The following SLMAP variants were observed in gnomAD, a reference collection of about 807,000 sequenced individuals.
The protein encoded by SLMAP is sarcolemma associated protein, also known as sarcolemmal membrane-associated protein.
In SLMAP, 44 loss-of-function variants were observed where a neutral mutation model predicts 128.8. The ratio of observed to expected loss-of-function variants is 0.34; its 90% CI spans 0.27 to 0.44. SLMAP has a LOEUF of 0.44. SLMAP is among the 20% of genes least tolerant of loss of function. The pLI, the probability that SLMAP is intolerant of heterozygous loss-of-function variation, is 1.00. For missense variants in SLMAP, 787 were observed against 985.3 expected (o/e 0.80, Z 2.69); for synonymous variants, 327 against 348.8 (o/e 0.94, Z 0.70).
At chr3:57,836,311 A>G (rs2093638010) in intron 3 of SLMAP, among the ~76,000 whole-genome samples, 3 of 152,126 alleles carry the variant, frequency 2.0e-5, no homozygotes, top group African/African-American at 7.2e-5. Context: ...TATGTAGGAC[A>G]TTTATGTATT....
chr3:57,840,129 G>A (rs565417521), intron 3 of SLMAP, among the ~76,000 whole-genome samples: 1 of 150,348 alleles, frequency 6.7e-6, no homozygotes, highest in Non-Finnish European at 1.5e-5. Context: ...CCTAATTTTT[G>A]TGTTTTTAGT....
chr3:57,834,086 G>A (rs1248444519), intron 3 of SLMAP, among the ~76,000 whole-genome samples: 1 of 152,028 alleles, frequency 6.6e-6, no homozygotes, highest in Non-Finnish European at 1.5e-5. Context: ...GTAAAGAGAG[G>A]AGACTTTTAT....
intron 14 of SLMAP, among the ~76,000 whole-genome samples, chr3:57,879,714 G>A (rs1052293956): frequency 1.3e-5 from 2 of 152,092 alleles, no homozygotes; most frequent in Non-Finnish European, 1.5e-5. Context: ...AGGCCGAGGT[G>A]GGTGGATCAC....
chr3:57,877,876 C>G (rs1375738978), intron 14 of SLMAP, among the ~76,000 whole-genome samples: 1 of 148,386 alleles, frequency 6.7e-6, no homozygotes, highest in African/African-American at 2.5e-5. Flanking sequence ...GCTCCGTTGC[C>G]CAGGCTGGAG....
intron 17 of SLMAP, among the ~76,000 whole-genome samples, chr3:57,904,102 CACTA>C (rs1265637707): frequency 4.7e-5 from 7 of 149,932 alleles, no homozygotes; most frequent in African/African-American, 1.3e-4. Context: ...AGGATCTGCA[CACTA>C]ACTATTCGAT....
At chr3:57,845,931 TC>T (rs1237681178) in intron 4 of SLMAP, among the ~76,000 whole-genome samples, 5 of 151,836 alleles carry the variant, frequency 3.3e-5, no homozygotes. Context: ...AACCTCTGCC[TC>T]CCAGGTTCAA....
At chr3:57,920,271 A>G (rs2096892821) in intron 22 of SLMAP, among the ~76,000 whole-genome samples, 1 of 152,182 alleles carries the variant, frequency 6.6e-6, no homozygotes, top group African/African-American at 2.4e-5. Context: ...AAGTCCATGA[A>G]TTGTACTCCT....
At chr3:57,774,382 C>T (rs2081411676) in intron 2 of SLMAP, among the ~76,000 whole-genome samples, 1 of 152,028 alleles carries the variant, frequency 6.6e-6, no homozygotes, top group African/African-American at 2.4e-5. Flanking sequence ...GTACTTCAAA[C>T]ATTAGGTGTT....
chr3:57,857,609 CTACTTTAAAA>C, intron 6 of SLMAP, 114 bp from the exon 7 acceptor site: 1 of 668,656 alleles, frequency 1.5e-6, no homozygotes, highest in Non-Finnish European at 2.6e-6. Flanking sequence ...TCAAGTTTCA[CTACTTTAAAA>C]TACATCAAGT....
intron 21 of SLMAP, among the ~76,000 whole-genome samples, chr3:57,914,510 AT>A (rs1461722274): frequency 6.6e-6 from 1 of 152,170 alleles, no homozygotes; most frequent in African/African-American, 2.4e-5. Flanking sequence ...AAAACTATAA[AT>A]ATATGTATAT....
At chr3:57,790,460 A>C (rs2085220308) in intron 2 of SLMAP, among the ~76,000 whole-genome samples, 1 of 152,232 alleles carries the variant, frequency 6.6e-6, no homozygotes, top group Non-Finnish European at 1.5e-5. Flanking sequence ...TTAAGGAAAA[A>C]AAAAAGTGGA....
intron 2 of SLMAP, among the ~76,000 whole-genome samples, chr3:57,768,492 G>A (rs2080170400): frequency 6.6e-6 from 1 of 152,198 alleles, no homozygotes; most frequent in African/African-American, 2.4e-5. Flanking sequence ...GCTGAGGCAG[G>A]AAGATTGCTT....
chr3:57,760,787 G>A (rs951196165), intron 2 of SLMAP, among the ~76,000 whole-genome samples: 7 of 151,822 alleles, frequency 4.6e-5, no homozygotes, highest in Non-Finnish European at 1.0e-4. Context: ...GAGTGCAATG[G>A]CGCGATCTTG....
chr3:57,808,436 C>G (rs938141226), intron 2 of SLMAP, among the ~76,000 whole-genome samples: 7 of 152,018 alleles, frequency 4.6e-5, no homozygotes, highest in Admixed American at 3.3e-4. Context: ...TAGCTGTGTC[C>G]CAGAGATTCT....
At chr3:57,885,743 T>A (rs1383822876) in intron 14 of SLMAP, among the ~76,000 whole-genome samples, 1 of 148,318 alleles carries the variant, frequency 6.7e-6, no homozygotes, top group South Asian at 2.1e-4. Context: ...GTTGTTGTTA[T>A]TGTTGTTTTG....
At chr3:57,811,715 G>C (rs899980397) in intron 2 of SLMAP, among the ~76,000 whole-genome samples, 22 of 152,062 alleles carry the variant, frequency 1.4e-4, no homozygotes, top group Non-Finnish European at 8.8e-5. Context: ...AGTGCATAAG[G>C]GTTCCAATTT....
At chr3:57,817,932 G>C (rs548182391) in intron 2 of SLMAP, among the ~76,000 whole-genome samples, 169 of 152,276 alleles carry the variant, frequency 1.1e-3, no homozygotes, top group Non-Finnish European at 2.2e-3. Context: ...TGTGACTATA[G>C]ATAGGTCACT....
rs999042505 is a variant in SLMAP, at chr3:57,906,310, CTTTTTTTT to C, written c.1502-1559_1502-1552del. ...GAATCAAATTTTTTTCTTTTTTTTT[CTTTTTTTT>C]TTTTTTTTTTTTTTAGAGACACAGT... is the stretch of plus-strand genomic sequence containing the variant. On this transcript the variant is annotated intron_variant, in intron 17 of 24. Coordinates refer to ENST00000671191, the MANE Select transcript of SLMAP (RefSeq NM_001377540.1). Among the ~76,000 whole-genome samples the C allele has an allele frequency of 6.2e-4, 29 of 47,034 alleles. 1 individual carries two copies. The highest frequency in any genetic ancestry group is 5.5e-3 in the South Asian group (6 of 1,088). The allele number at this position is 47,034 out of a possible 152,430, so 30.9% of individuals were successfully genotyped here.
In SLMAP at chr3:57,926,065, G is replaced by C. The variant is rs573298564; in HGVS notation, c.*6+131G>C. 13 of 666,492 alleles carry C rather than the reference G, an allele frequency of 2.0e-5. No homozygotes were observed. In the South Asian group the frequency reaches 2.0e-4, roughly 10 times the overall value. 41.3% of individuals were successfully genotyped at this position (666,492 alleles called of 1,614,324 possible). A position where few individuals can be genotyped will look rare whatever the true frequency, so the allele number is the denominator to read the frequency against. On this transcript the variant is annotated intron_variant, in intron 24 of 24. Coordinates refer to ENST00000671191, the MANE Select transcript of SLMAP (RefSeq NM_001377540.1). ...AAGCAAACCCTTCATTTAGTATGCC[G>C]TGTATTTGTGTCATACCAATGAACT... is the stretch of plus-strand genomic sequence containing the variant.
Sources: gnomAD v4.1 joint callset for allele counts (sites outside exome capture counted in the v4.1 genomes callset) on GRCh38, gnomAD v4.1.1 for gene constraint, MANE v1.5 for transcripts, NCBI Gene and HGNC (gene_info 2026-07-23, HGNC 2026-07-21) for gene names.